The following DZIP3 variants were observed in gnomAD, a reference collection of about 807,000 sequenced individuals.
DZIP3 encodes the protein DAZ interacting zinc finger protein 3.
A neutral mutation model predicts 162.0 loss-of-function variants in DZIP3; 118 were observed. That is an observed-to-expected ratio of 0.73 (90% CI 0.63 to 0.85). The LOEUF (loss-of-function observed/expected upper bound fraction) is 0.85. Ranked by LOEUF, DZIP3 falls within the 40% of genes least tolerant of loss-of-function variation. The pLI is 0.00. For missense variants in DZIP3, 1,331 were observed against 1,407.0 expected (o/e 0.95, Z 0.86); for synonymous variants, 438 against 458.6 (o/e 0.96, Z 0.57).
rs529028023 is a variant in DZIP3, at chr3:108,608,929, G to A, written c.102+771G>A. 2.8e-4 allele frequency among the ~76,000 whole-genome samples: 43 copies of A among 152,236 alleles called. 1 individual carries two copies. Among genetic ancestry groups the A allele is most frequent in the East Asian group, 5.8e-4 (3 of 5,180 alleles). ...AGTTTCTTAGGCTGGACAGGAGGGG[G>A]CATGGCTGGGTAGTCCTCAAGAAAC... On this transcript the variant is annotated intron_variant, in intron 3 of 32. Transcript: ENST00000361582.
At chr3:108,676,010 G>A in intron 25 of DZIP3, 137 bp downstream of exon 25, 1 of 691,132 alleles carries the variant, frequency 1.4e-6, no homozygotes, top group Non-Finnish European at 2.4e-6. Context: ...TTCACTTTGA[G>A]ATTACTTCCA....
Position 108,644,485 on chromosome 3 carries a change from A to T in DZIP3, c.1463A>T (p.Asn488Ile). Residue 488 changes from asparagine (N) to isoleucine (I), a missense_variant, in exon 14 of 33, where the codon AAT (asparagine) becomes ATT (isoleucine). Physicochemically the swap from Asn to Ile is moderately radical, Grantham distance 149 (BLOSUM62 -3). Coordinates refer to ENST00000361582, the MANE Select transcript of DZIP3 (RefSeq NM_014648.4). ...NVFPAPKKGW[N>I]MEPPSSDISK... is the part of the protein sequence containing the mutation. The stretch of plus-strand genomic sequence containing the variant: ...TTCCCTGCACCCAAAAAAGGATGGA[A>T]TATGGAACCGCCATCTTCTGACATC... The T allele has an allele frequency of 6.2e-7, 1 of 1,614,072 alleles. No homozygotes were observed. Among genetic ancestry groups the T allele is most frequent in the Non-Finnish European group, 8.5e-7 (1 of 1,179,968 alleles).
intron 26 of DZIP3, among the ~76,000 whole-genome samples, chr3:108,682,190 C>T (rs1476124443): frequency 6.6e-6 from 1 of 150,914 alleles, no homozygotes; most frequent in African/African-American, 2.5e-5. Flanking sequence ...TAAATTAGCG[C>T]AGCTATTATG....
chr3:108,675,498 C>G (rs1576458572), intron 24 of DZIP3, among the ~76,000 whole-genome samples: 1 of 152,046 alleles, frequency 6.6e-6, no homozygotes, highest in South Asian at 2.1e-4. Flanking sequence ...AGATTCCTTA[C>G]AAAGGTTTTA....
intron 26 of DZIP3, among the ~76,000 whole-genome samples, chr3:108,678,122 T>C (rs1472940068): frequency 6.6e-6 from 1 of 151,834 alleles, no homozygotes; most frequent in Non-Finnish European, 1.5e-5. Context: ...ACTGTGCATG[T>C]GAAGGATCTA....
chr3:108,640,955 T>C (rs1348374291), intron 12 of DZIP3, among the ~76,000 whole-genome samples: 1 of 152,114 alleles, frequency 6.6e-6, no homozygotes, highest in Non-Finnish European at 1.5e-5. Context: ...AATTGTTTTT[T>C]TTTTATTCCA....
chr3:108,644,136 G>A, intron 13 of DZIP3, 28 bp from the exon 14 acceptor site: 1 of 1,561,964 alleles, frequency 6.4e-7, no homozygotes, highest in Non-Finnish European at 8.6e-7. Context: ...AATGTGGAAT[G>A]TCTTGACTTC....
intron 29 of DZIP3, among the ~76,000 whole-genome samples, chr3:108,688,384 TATTTTA>T (rs1292484100): frequency 2.0e-5 from 3 of 152,226 alleles, no homozygotes; most frequent in Admixed American, 6.5e-5. Context: ...TTGAAAGATT[TATTTTA>T]ATTAAAAGAA....
chr3:108,622,700 T>C (rs1941409310), intron 5 of DZIP3, among the ~76,000 whole-genome samples: 1 of 152,126 alleles, frequency 6.6e-6, no homozygotes, highest in African/African-American at 2.4e-5. Context: ...GGGGACACTC[T>C]AAGCCCAGTA....
At chr3:108,591,073 C>T (rs1939382367) in intron 1 of DZIP3, among the ~76,000 whole-genome samples, 1 of 152,122 alleles carries the variant, frequency 6.6e-6, no homozygotes. Flanking sequence ...GGGAAGGTGA[C>T]CTCATTAAGA....
chr3:108,629,929 A>G (rs555210538), intron 8 of DZIP3, among the ~76,000 whole-genome samples: 110 of 152,072 alleles, frequency 7.2e-4, no homozygotes, highest in African/African-American at 2.5e-3. Context: ...GTTCCCTGCT[A>G]AGTTTATTCT....
Position 108,605,396 on chromosome 3 carries a change from C to T in DZIP3, c.-11C>T, listed in dbSNP as rs373071676. ...GTGGAATAAGATTTTTGTAAAGAAA[C>T]CTTGTGCAGCATGGATTCTCTACCA... On this transcript the variant is annotated 5_prime_UTR_variant, in exon 2 of 33. Coordinates refer to ENST00000361582, the MANE Select transcript of DZIP3 (RefSeq NM_014648.4). 1 of 1,613,236 alleles carries T rather than the reference C, an allele frequency of 6.2e-7. No individual in the cohort carries two copies. Among genetic ancestry groups the T allele is most frequent in the Non-Finnish European group, 8.5e-7 (1 of 1,179,616 alleles).
chr3:108,678,874 G>T (rs1435003466), intron 26 of DZIP3, among the ~76,000 whole-genome samples: 1 of 152,054 alleles, frequency 6.6e-6, no homozygotes, highest in African/African-American at 2.4e-5. Flanking sequence ...TATATAATTT[G>T]TATGGAGTTA....
chr3:108,591,454 C>T (rs1402234025), intron 1 of DZIP3, among the ~76,000 whole-genome samples: 2 of 152,186 alleles, frequency 1.3e-5, no homozygotes, highest in Admixed American at 6.5e-5. Context: ...CAGGGTAATG[C>T]GCAAAGCTGC....
chr3:108,617,555 T>A (rs1410862869), intron 5 of DZIP3, among the ~76,000 whole-genome samples: 2 of 152,190 alleles, frequency 1.3e-5, no homozygotes, highest in Non-Finnish European at 2.9e-5. Flanking sequence ...TAAATAGGGT[T>A]ATCTTCAAAA....
intron 24 of DZIP3, among the ~76,000 whole-genome samples, chr3:108,674,893 G>A (rs1039081662): frequency 6.6e-6 from 1 of 151,806 alleles, no homozygotes; most frequent in Non-Finnish European, 1.5e-5. Context: ...TCATTCTAAA[G>A]AATCAGAGTC....
Position 108,636,616 on chromosome 3 carries a change from A to C in DZIP3, c.919A>C (p.Ser307Arg). 2 of 1,535,692 alleles carry C rather than the reference A, an allele frequency of 1.3e-6. No individual in the cohort carries two copies. Among genetic ancestry groups the C allele is most frequent in the Non-Finnish European group, 1.7e-6 (2 of 1,147,422 alleles). ...NLKYPGENDQ[S>R]FSGKKCLKEG... ...TATTTTTTTCTATTAATAAATTTAGAGTTTTAGTGGGAAAAAATGTTTGAA... is the reference window on the plus strand; with the variant it reads ...TATTTTTTTCTATTAATAAATTTAGCGTTTTAGTGGGAAAAAATGTTTGAA... Residue 307 changes from serine (S) to arginine (R), a missense_variant and splice_region_variant, in exon 11 of 33, where the codon AGT becomes CGT. Physicochemically the swap from Ser to Arg is moderately radical, Grantham distance 110. Transcript: ENST00000361582.
At position 108,646,602 on chromosome 3, in the gene DZIP3, CT is replaced by C; in HGVS notation, c.1760-12del. ...TTGCAATTGTACATCTAAAATTTTTCTTTATGTATTATAGGAATTGCTCTAC... is the reference window on the plus strand; with the variant it reads ...TTGCAATTGTACATCTAAAATTTTTCTTATGTATTATAGGAATTGCTCTAC... On this transcript the variant is annotated splice_polypyrimidine_tract_variant and intron_variant, in intron 14 of 32. Coordinates refer to ENST00000361582, the MANE Select transcript of DZIP3 (RefSeq NM_014648.4). 6.4e-7 allele frequency: 1 copy of C among 1,571,128 alleles called. No individual in the cohort carries two copies. The highest frequency in any genetic ancestry group is 8.7e-7 in the Non-Finnish European group (1 of 1,149,432).
intron 24 of DZIP3, among the ~76,000 whole-genome samples, 197 bp from the exon 25 acceptor site, chr3:108,675,589 A>G (rs554359174): frequency 1.3e-5 from 2 of 152,150 alleles, no homozygotes; most frequent in East Asian, 3.9e-4. Flanking sequence ...TGAAAAATGA[A>G]TTTTTTATTA....
Sources: allele counts gnomAD v4.1 joint callset (sites outside exome capture counted in the v4.1 genomes callset), GRCh38; gene constraint gnomAD v4.1.1; transcripts MANE v1.5; gene names NCBI Gene and HGNC (gene_info 2026-07-23, HGNC 2026-07-21).